PTPRK: variants seen among roughly 807,000 people sequenced by gnomAD.
The protein encoded by PTPRK is receptor-type tyrosine-protein phosphatase kappa.
Under a neutral mutation model 178.0 loss-of-function variants are expected in PTPRK, and 75 were observed. The observed-to-expected ratio is 0.42, with a 90% CI of 0.35 to 0.51. The LOEUF is 0.51. Among genes scored for constraint, PTPRK ranks in the 20% least tolerant of loss-of-function variants. The probability of loss-of-function intolerance (pLI) is 0.02; values close to 1 mark genes in which losing one functional copy is unlikely to be tolerated. For missense variants in PTPRK, 1,441 were observed against 1,797.8 expected (o/e 0.80, Z 3.59); for synonymous variants, 637 against 620.6 (o/e 1.03, Z -0.39).
In PTPRK at chr6:128,519,696, C is replaced by T. The variant is rs1858707352; in HGVS notation, c.100+563G>A. 6.6e-6 allele frequency among the ~76,000 whole-genome samples: 1 copy of T among 152,206 alleles called. No individual in the cohort carries two copies. Among genetic ancestry groups the T allele is most frequent in the Non-Finnish European group, 1.5e-5 (1 of 68,040 alleles). On this transcript the variant is annotated intron_variant, in intron 1 of 29. Transcript: ENST00000368226. This position sits in a 1 kb window ranked among gnomAD's most constrained non-coding sequence, Gnocchi z 4.3. ...CCAAGCAGTGCCCGAGCGCACAGGG[C>T]AAGCCCGGGAGCAACCCAGAGCTGG...
intron 3 of PTPRK, among the ~76,000 whole-genome samples, chr6:128,251,503 A>G (rs190037005): frequency 6.6e-6 from 1 of 152,328 alleles, no homozygotes; most frequent in African/African-American, 2.4e-5. Context: ...GACTAGTATT[A>G]TCAAGACTTC....
intron 3 of PTPRK, 22 bp downstream of exon 3, chr6:128,322,017 C>T: frequency 1.9e-6 from 3 of 1,613,682 alleles, no homozygotes; most frequent in Non-Finnish European, 1.7e-6. Flanking sequence ...AAAACATACA[C>T]CAGAAAAGTA....
intron 13 of PTPRK, among the ~76,000 whole-genome samples, chr6:128,012,086 G>A (rs1779121361): frequency 6.6e-6 from 1 of 151,172 alleles, no homozygotes. Flanking sequence ...AAGTATAGAA[G>A]TCTAATCAAA....
At chr6:128,068,965 G>T (rs377628052) in intron 11 of PTPRK, among the ~76,000 whole-genome samples, 121 of 151,692 alleles carry the variant, frequency 8.0e-4, no homozygotes, top group Middle Eastern at 3.4e-3. Flanking sequence ...GAGGGAGAAA[G>T]AGAGACAGAG....
chr6:128,250,928 A>C (rs1816362873), intron 3 of PTPRK, among the ~76,000 whole-genome samples: 1 of 152,142 alleles, frequency 6.6e-6, no homozygotes, highest in South Asian at 2.1e-4. Flanking sequence ...GGCAATTTGG[A>C]ATTATGGTTT....
intron 7 of PTPRK, among the ~76,000 whole-genome samples, chr6:128,115,393 CAT>C (rs142775866): frequency 0.023 from 3,430 of 152,166 alleles, 107 homozygotes; most frequent in African/African-American, 0.048. Flanking sequence ...CTTTCCCACA[CAT>C]GTCTCCTTGG....
intron 2 of PTPRK, among the ~76,000 whole-genome samples, chr6:128,331,009 C>T (rs1367320600): frequency 2.0e-5 from 3 of 152,158 alleles, no homozygotes; most frequent in Non-Finnish European, 4.4e-5. Flanking sequence ...TCTATTGGTG[C>T]AGCATTCCTA....
intron 3 of PTPRK, 65 bp from the exon 4 acceptor site, chr6:128,242,667 A>G: frequency 1.0e-5 from 16 of 1,565,164 alleles, no homozygotes; most frequent in Non-Finnish European, 1.4e-5. Flanking sequence ...AGTGGAGGGG[A>G]ATAGCTAAAT....
intron 1 of PTPRK, among the ~76,000 whole-genome samples, chr6:128,450,543 T>C (rs1393691299): frequency 1.3e-5 from 2 of 152,198 alleles, no homozygotes; most frequent in Non-Finnish European, 1.5e-5. Context: ...CTCAGGGCCC[T>C]CCTGGGGTCT....
At chr6:128,156,481 A>AAGAG (rs371126341) in intron 7 of PTPRK, among the ~76,000 whole-genome samples, 1 of 150,570 alleles carries the variant, frequency 6.6e-6, no homozygotes, top group African/African-American at 2.4e-5. Flanking sequence ...ATGGTGGAGC[A>AAGAG]AGAGAGAGAG....
chr6:128,464,638 C>CATATATATATATACACACATATAT (rs1849544400), intron 1 of PTPRK, among the ~76,000 whole-genome samples: 1 of 48,602 alleles, frequency 2.1e-5, no homozygotes, highest in African/African-American at 9.5e-5. Context: ...TATATATACA[C>CATATATATATATACACACATATAT]ATATATATAT....
At chr6:128,111,579 T>TGTCACAACCAAAGAGGGACAGATAAGA (rs1466437919) in intron 7 of PTPRK, among the ~76,000 whole-genome samples, 4 of 151,634 alleles carry the variant, frequency 2.6e-5, no homozygotes, top group Non-Finnish European at 3.0e-5. Context: ...GGAAATGTAG[T>TGTCACAACCAAAGAGGGACAGATAAGA]TTTATGCTTA....
rs374322491 is a variant in PTPRK at position 128,322,739 on chromosome 6, C to T, written c.224-429G>A. 3.3e-3 allele frequency among the ~76,000 whole-genome samples: 500 copies of T among 151,060 alleles called. 3 individuals carry two copies. The highest frequency in any genetic ancestry group is 0.011 in the African/African-American group (466 of 40,928). ...TGGCCTGGTTTACACAAAGGGTACA[C>T]CTTTATTTTTCGCTATCCAGAATAT... On this transcript the variant is annotated intron_variant, in intron 2 of 29. Transcript: ENST00000368226.
At chr6:128,238,829 G>A (rs1274367246) in intron 5 of PTPRK, among the ~76,000 whole-genome samples, 1 of 151,940 alleles carries the variant, frequency 6.6e-6, no homozygotes, top group Non-Finnish European at 1.5e-5. Context: ...CACAAAATAT[G>A]GTATCCTGAC....
At chr6:128,180,756 A>G (rs1321949610) in intron 7 of PTPRK, among the ~76,000 whole-genome samples, 3 of 152,128 alleles carry the variant, frequency 2.0e-5, no homozygotes, top group East Asian at 1.9e-4. Context: ...AGTTGCAAAT[A>G]TTAACCTATA....
chr6:128,410,469 AACT>A (rs986287320), intron 1 of PTPRK, among the ~76,000 whole-genome samples: 1 of 152,206 alleles, frequency 6.6e-6, no homozygotes, highest in African/African-American at 2.4e-5. Context: ...AAGAGACAAA[AACT>A]ACTTTTTGCT....
intron 7 of PTPRK, among the ~76,000 whole-genome samples, chr6:128,119,163 G>T (rs1288945201): frequency 6.6e-6 from 1 of 151,860 alleles, no homozygotes; most frequent in Non-Finnish European, 1.5e-5. Context: ...TATTTACAGG[G>T]TCTTGATTCT....
chr6:128,295,491 T>C (rs1038763237), intron 3 of PTPRK, among the ~76,000 whole-genome samples: 5 of 152,122 alleles, frequency 3.3e-5, no homozygotes, highest in African/African-American at 1.2e-4. Context: ...GTAAAAGCAA[T>C]GATCTACTAA....
At chr6:128,289,655 A>G (rs186073795) in intron 3 of PTPRK, among the ~76,000 whole-genome samples, 5 of 152,200 alleles carry the variant, frequency 3.3e-5, no homozygotes, top group Admixed American at 3.3e-4. Context: ...CTCCTTTTAA[A>G]GTCTTAGCCT....
Sources: gnomAD v4.1 joint callset for allele counts (sites outside exome capture counted in the v4.1 genomes callset) on GRCh38, gnomAD v4.1.1 for gene constraint, Gnocchi (gnomAD v3.1) non-coding constraint, MANE v1.5 for transcripts, NCBI Gene and HGNC (gene_info 2026-07-23, HGNC 2026-07-21) for gene names.